CPSF1: variants seen among roughly 807,000 people sequenced by gnomAD.
The protein encoded by CPSF1 is cleavage and polyadenylation specificity factor subunit 1.
Under a neutral mutation model 175.8 loss-of-function variants are expected in CPSF1, and 106 were observed. That is an observed-to-expected ratio of 0.60 (90% CI 0.52 to 0.71). The LOEUF (loss-of-function observed/expected upper bound fraction) is 0.71. Among genes scored for constraint, CPSF1 ranks in the 30% least tolerant of loss-of-function variants. The pLI is 0.00. For synonymous variants in CPSF1, 1,024 were observed against 858.3 expected, an observed-to-expected ratio of 1.19 and a Z score of -3.37; for missense variants, 1,734 against 2,022.9, an observed-to-expected ratio of 0.86 and a Z score of 2.74.
intron 2 of CPSF1, among the ~76,000 whole-genome samples, chr8:144,406,658 C>T (rs1821512019): frequency 6.6e-6 from 1 of 152,218 alleles, no homozygotes; most frequent in Admixed American, 6.5e-5. Flanking sequence ...TGCACACACC[C>T]TCCTGCTCTG....
chr8:144,398,111 G>A lies in CPSF1; in HGVS notation c.1916C>T (p.Pro639Leu). The A allele has an allele frequency of 6.2e-7, 1 of 1,604,216 alleles. No individual in the cohort carries two copies. Among genetic ancestry groups the A allele is most frequent in the Non-Finnish European group, 8.5e-7 (1 of 1,174,610 alleles). ...LEGVNQLHFI[P>L]VDLGAPIVQC... ...CACGATGGGGGCGCCCAGGTCCACG[G>A]GGATGAAGTGCAGCTGATTCACTGT... The change falls in exon 20 of 38, where the codon CCC becomes CTC. Residue 639 changes from proline (P) to leucine (L), a missense_variant. Coordinates refer to ENST00000616140, the MANE Select transcript of CPSF1 (RefSeq NM_013291.3).
chr8:144,396,111 G>A (rs893254174), intron 26 of CPSF1: 15 of 563,068 alleles, frequency 2.7e-5, no homozygotes, highest in South Asian at 9.2e-5. Flanking sequence ...CCGGCGAGCC[G>A]GCAGAGCAGT....
intron 26 of CPSF1, chr8:144,395,987 C>T: frequency 2.5e-6 from 1 of 395,400 alleles, no homozygotes; most frequent in East Asian, 4.7e-5. Context: ...AATAGGGAAC[C>T]AGGATGAGAA....
At chr8:144,398,483 G>T in intron 18 of CPSF1, 40 bp from the exon 19 acceptor site, 1 of 1,607,824 alleles carries the variant, frequency 6.2e-7, no homozygotes, top group South Asian at 1.1e-5. Flanking sequence ...CCCCGCAGGG[G>T]ACCCCAGCCC....
Position 144,400,238 on chromosome 8 carries a change from G to A in CPSF1, c.865C>T (p.Leu289=), listed in dbSNP as rs2116873745. 2.5e-6 allele frequency: 4 copies of A among 1,591,954 alleles called. No homozygotes were observed. The highest frequency in any genetic ancestry group is 3.4e-6 in the Non-Finnish European group (4 of 1,167,494). Residue 289 remains leucine, a synonymous_variant, in exon 9 of 38, where the codon CTG becomes TTG. Coordinates refer to ENST00000616140, the MANE Select transcript of CPSF1 (RefSeq NM_013291.3). The part of the protein sequence containing the change: ...VVFAVNSLLY[L]NQSVPPYGVA... ...CCATACGGGGGGACGCTCTGGTTCA[G>A]GTACAACAGCGAGTTGACGGCAAAC... is the stretch of plus-strand genomic sequence containing the variant.
At position 144,409,072 on chromosome 8, in the gene CPSF1, G is replaced by A. The variant is rs1409170610; in HGVS notation, c.87C>T (p.Asn29=). 44 of 1,613,776 alleles carry A rather than the reference G, an allele frequency of 2.7e-5. No individual in the cohort carries two copies. The highest frequency in any genetic ancestry group is 3.7e-5 in the Non-Finnish European group (44 of 1,179,940). The change falls in exon 2 of 38, where the codon AAC becomes AAT. Residue 29 remains asparagine (N), a synonymous_variant. Transcript: ENST00000616140. ...YCNFFNNSER[N]LVVAGTSQLY... is the part of the protein sequence containing the mutation. Reference sequence around the variant, plus strand: ...GCTGCGAGGTCCCGGCCACTACCAGGTTGCGCTCGCTGTTGTTGAAGAAGT... The same window carrying A: ...GCTGCGAGGTCCCGGCCACTACCAGATTGCGCTCGCTGTTGTTGAAGAAGT...
Position 144,394,231 on chromosome 8 carries a change from T to TA in CPSF1, c.3811+2dup. 1.2e-6 allele frequency: 2 copies of TA among 1,606,954 alleles called. No individual in the cohort carries two copies. The highest frequency in any genetic ancestry group is 1.7e-6 in the Non-Finnish European group (2 of 1,176,590). ...TCAGCTCCCCAGGGCCCTGCCCACA[T>TA]ACCCAGAAAACCCAGCTGGGCATTG... On this transcript the variant is annotated splice_region_variant and intron_variant, in intron 33 of 37. Transcript: ENST00000616140.
intron 28 of CPSF1, 24 bp from the exon 29 acceptor site, chr8:144,395,206 C>G (rs1564685594): frequency 6.2e-7 from 1 of 1,612,430 alleles, no homozygotes; most frequent in African/African-American, 1.3e-5. Context: ...GGGTGACAGT[C>G]AGAGTAGGGC....
In CPSF1 at chr8:144,397,132, A is replaced by G. The variant is rs1820822436; in HGVS notation, c.2592+75T>C. The G allele has an allele frequency of 1.3e-5, 17 of 1,319,940 alleles. No individual in the cohort carries two copies. The East Asian group carries it at 3.5e-4, about 27-fold the overall frequency. The allele number at this position is 1,319,940 out of a possible 1,614,324, so 81.8% of individuals were successfully genotyped here. ...GGGGGAGATGGGGTGGAGCCACGGG[A>G]AGGGGCGGGGCTGTGGGGGAACGGG... On this transcript the variant is annotated intron_variant, in intron 23 of 37. Coordinates refer to ENST00000616140, the MANE Select transcript of CPSF1 (RefSeq NM_013291.3).
chr8:144,405,152 A>G (rs1393345553), intron 2 of CPSF1, among the ~76,000 whole-genome samples: 1 of 152,224 alleles, frequency 6.6e-6, no homozygotes, highest in African/African-American at 2.4e-5. Flanking sequence ...TAGTTACAAA[A>G]GGAAGAAATA....
At chr8:144,407,508 CCT>C (rs1277254879) in intron 2 of CPSF1, among the ~76,000 whole-genome samples, 2 of 152,044 alleles carry the variant, frequency 1.3e-5, no homozygotes, top group African/African-American at 4.8e-5. Flanking sequence ...GTGGCGAAAC[CCT>C]GTCTCTATTA....
At chr8:144,400,895 C>A in intron 6 of CPSF1, 29 bp downstream of exon 6, 1 of 1,604,030 alleles carries the variant, frequency 6.2e-7, no homozygotes. Context: ...CCCACCCCAG[C>A]ACCACAGCCT....
At position 144,397,829 on chromosome 8, in the gene CPSF1, G is replaced by A; in HGVS notation, c.2124C>T (p.Phe708=). 1 of 1,611,308 alleles carries A rather than the reference G, an allele frequency of 6.2e-7. No homozygotes were observed. Among genetic ancestry groups the A allele is most frequent in the South Asian group, 1.1e-5 (1 of 91,062 alleles). ...CCCCACCCAGGCGGCTCTCAGTGGT[G>A]AACATGCCGCTGAGGTCTCGGTACA... The part of the protein sequence containing the change: ...LCLYRDLSGM[F]TTESRLGGAR... Residue 708 remains phenylalanine (F), a synonymous_variant, in exon 21 of 38, where the codon TTC becomes TTT. Coordinates refer to ENST00000616140, the MANE Select transcript of CPSF1 (RefSeq NM_013291.3).
rs1554861948 is a variant in CPSF1 at position 144,393,376 on chromosome 8, TGGAA to T, written c.4285-15_4285-12del. 1.0e-5 allele frequency: 7 copies of T among 672,888 alleles called. No homozygotes were observed. The highest frequency in any genetic ancestry group is 5.5e-4 in the Middle Eastern group (1 of 1,820). 41.7% of individuals were successfully genotyped at this position (672,888 alleles called of 1,614,324 possible). On this transcript the variant is annotated splice_polypyrimidine_tract_variant and intron_variant, in intron 37 of 37. Transcript: ENST00000616140. ...CAAGTCGTCCAGGATCTGCAGGGGA[TGGAA>T]GGGTGGGTGGGTGGGTGGGTGGGGA...
rs1820556365 is a variant in CPSF1, at chr8:144,394,293, T to C, written c.3752A>G (p.Lys1251Arg). The C allele has an allele frequency of 6.3e-7, 1 of 1,592,362 alleles. No individual in the cohort carries two copies. The highest frequency in any genetic ancestry group is 8.6e-7 in the Non-Finnish European group (1 of 1,167,354). ...KTLSLVSRDA[K>R]PLEVYSVDFM... is the part of the protein sequence containing the mutation. ...GTCCACGCTGTACACCTCCAGGGGC[T>C]TGGCATCCTGGGGGCGGGAAGGGGG... The change falls in exon 33 of 38, where the codon AAG becomes AGG. Residue 1251 changes from lysine to arginine, a missense_variant. Transcript: ENST00000616140.
At chr8:144,396,541 T>A in intron 25 of CPSF1, 41 bp from the exon 26 acceptor site, 2 of 1,608,830 alleles carry the variant, frequency 1.2e-6, no homozygotes, top group Non-Finnish European at 1.7e-6. Flanking sequence ...ATGAGGATGC[T>A]GCGGATGAGG....
At chr8:144,401,805 G>T in intron 2 of CPSF1, 132 bp from the exon 3 acceptor site, 2 of 956,146 alleles carry the variant, frequency 2.1e-6, no homozygotes, top group Non-Finnish European at 3.1e-6. Flanking sequence ...CTGCAGCAGG[G>T]AGAAGGGCTT....
rs1554867171 is a variant in CPSF1 at position 144,401,511 on chromosome 8, AAAG to A, written c.222_224del (p.Phe75del). 2.5e-6 allele frequency: 4 copies of A among 1,613,990 alleles called. No individual in the cohort carries two copies. The highest frequency in any genetic ancestry group is 2.2e-5 in the East Asian group (1 of 44,874). Reference sequence around the variant, plus strand: ...CGCTGGCCATGGACATGACGTTGCCAAAGAAGGAGAAGGAGGCAGCAAGCTCGA... The same window carrying A: ...CGCTGGCCATGGACATGACGTTGCCAAAGGAGAAGGAGGCAGCAAGCTCGA... On this transcript the variant is annotated inframe_deletion, in exon 4 of 38. Transcript: ENST00000616140.
Position 144,396,607 on chromosome 8 carries a change from G to C in CPSF1, c.2817C>G (p.Gly939=). 6.2e-7 allele frequency: 1 copy of C among 1,613,132 alleles called. No homozygotes were observed. Among genetic ancestry groups the C allele is most frequent in the Non-Finnish European group, 8.5e-7 (1 of 1,179,684 alleles). Residue 939 remains glycine (G), a synonymous_variant, in exon 25 of 38, where the codon GGC becomes GGG. Coordinates refer to ENST00000616140, the MANE Select transcript of CPSF1 (RefSeq NM_013291.3). ...ARFRYFEDIY[G]YSGVFICGPS... is the part of the protein sequence containing the mutation. The stretch of plus-strand genomic sequence containing the variant: ...AAAGGCGCTGGCCTACCCCTGAGTA[G>C]CCATAAATATCCTCGAAGTAGCGGA...
Sources: allele counts gnomAD v4.1 joint callset (sites outside exome capture counted in the v4.1 genomes callset), GRCh38; gene constraint gnomAD v4.1.1; transcripts MANE v1.5; gene names NCBI Gene and HGNC (gene_info 2026-07-23, HGNC 2026-07-21).